THSD4: variants seen among roughly 807,000 people sequenced by gnomAD.
THSD4 encodes the protein thrombospondin type 1 domain containing 4.
Under a neutral mutation model 119.0 loss-of-function variants are expected in THSD4, and 69 were observed. The ratio of observed to expected loss-of-function variants is 0.58; its 90% CI spans 0.48 to 0.71. The LOEUF (loss-of-function observed/expected upper bound fraction) is 0.71, where lower values mean the gene tolerates loss of function less well. Among genes scored for constraint, THSD4 ranks in the 30% least tolerant of loss-of-function variants. The probability of loss-of-function intolerance (pLI) is 0.00; values close to 1 mark genes in which losing one functional copy is unlikely to be tolerated. For missense variants in THSD4, 1,393 were observed against 1,391.1 expected (o/e 1.00, Z -0.02); for synonymous variants, 524 against 540.4 (o/e 0.97, Z 0.42).
At chr15:71,172,650 G>GGCAAATAGATAATT (rs1479293826) in intron 3 of THSD4, among the ~76,000 whole-genome samples, 1 of 108,414 alleles carries the variant, frequency 9.2e-6, no homozygotes, top group Non-Finnish European at 1.8e-5. Flanking sequence ...AATAGATAAT[G>GGCAAATAGATAATT]GAACAGAATA....
intron 1 of THSD4, among the ~76,000 whole-genome samples, chr15:71,121,763 G>A (rs1410329569): frequency 1.3e-5 from 2 of 152,184 alleles, no homozygotes; most frequent in Middle Eastern, 3.2e-3. Context: ...TGAGGGTAGA[G>A]AATGCAGCTG....
intron 6 of THSD4, among the ~76,000 whole-genome samples, chr15:71,376,157 G>A (rs1451217732): frequency 1.3e-5 from 2 of 152,166 alleles, no homozygotes; most frequent in Non-Finnish European, 2.9e-5. Flanking sequence ...TGTCATGGGT[G>A]CAGGAGGAGG....
intron 7 of THSD4, among the ~76,000 whole-genome samples, chr15:71,548,494 A>G (rs1470603473): frequency 6.6e-6 from 1 of 152,208 alleles, no homozygotes. Context: ...CACGGCTGCA[A>G]GGCTAGCTGT....
In THSD4 at chr15:71,314,331, G is replaced by A. The variant is rs187445801; in HGVS notation, c.1015+57616G>A. Among the ~76,000 whole-genome samples the A allele has an allele frequency of 2.7e-3, 404 of 151,644 alleles. 1 individual carries two copies. Among genetic ancestry groups the A allele is most frequent in the East Asian group, 0.01 (53 of 5,178 alleles). The stretch of plus-strand genomic sequence containing the variant: ...ATTCTTTTTTTTAATTATTGGCGGC[G>A]GAGTCTCACTCTGTCACCCAGGCTG... On this transcript the variant is annotated intron_variant, in intron 6 of 17. Coordinates refer to ENST00000261862, the MANE Select transcript of THSD4 (RefSeq NM_024817.3).
At chr15:71,592,693 A>G (rs72739299) in intron 7 of THSD4, among the ~76,000 whole-genome samples, 1 of 152,062 alleles carries the variant, frequency 6.6e-6, no homozygotes, top group Non-Finnish European at 1.5e-5. Context: ...AAACACGTTC[A>G]TAGTTCAGCT....
At chr15:71,730,409 G>A (rs2052954197) in intron 9 of THSD4, 1 of 152,182 alleles carries the variant, frequency 6.6e-6, no homozygotes, top group Non-Finnish European at 1.5e-5. Context: ...AATCCAATAG[G>A]GAGGGACGTA....
At chr15:71,242,057 G>T (rs534288384) in intron 4 of THSD4, among the ~76,000 whole-genome samples, 2 of 152,082 alleles carry the variant, frequency 1.3e-5, no homozygotes, top group African/African-American at 4.8e-5. Flanking sequence ...AGTATTTAAC[G>T]CCCTTGAATA....
At chr15:71,483,157 G>A (rs1479930338) in intron 7 of THSD4, among the ~76,000 whole-genome samples, 1 of 152,030 alleles carries the variant, frequency 6.6e-6, no homozygotes, top group Non-Finnish European at 1.5e-5. Flanking sequence ...CACCATCCAG[G>A]GACATAGAGA....
chr15:71,432,665 A>G (rs1012437209), intron 7 of THSD4, among the ~76,000 whole-genome samples: 3 of 152,048 alleles, frequency 2.0e-5, no homozygotes, highest in African/African-American at 7.2e-5. Flanking sequence ...ATGAAATCTT[A>G]TAAATAAACC....
intron 8 of THSD4, among the ~76,000 whole-genome samples, chr15:71,671,656 T>C (rs2051531405): frequency 6.6e-6 from 1 of 152,238 alleles, no homozygotes; most frequent in Non-Finnish European, 1.5e-5. Context: ...GAATTAATTT[T>C]TGTATAAGGT....
At position 71,771,223 on chromosome 15, in the gene THSD4, C is replaced by T. The variant is rs746584741; in HGVS notation, c.2914+15C>T. On this transcript the variant is annotated intron_variant, in intron 17 of 17. Coordinates refer to ENST00000261862, the MANE Select transcript of THSD4 (RefSeq NM_024817.3). Reference sequence around the variant, plus strand: ...CCCTGAAGTTGGTAAGTAGAGATTTCAATCATGGGGGAAAGGTTTGTGTTT... The same window carrying T: ...CCCTGAAGTTGGTAAGTAGAGATTTTAATCATGGGGGAAAGGTTTGTGTTT... 1.2e-6 allele frequency: 2 copies of T among 1,612,202 alleles called. No individual in the cohort carries two copies. Among genetic ancestry groups the T allele is most frequent in the East Asian group, 2.2e-5 (1 of 44,864 alleles).
chr15:71,671,601 G>A (rs1043334336), intron 8 of THSD4, among the ~76,000 whole-genome samples: 3 of 152,168 alleles, frequency 2.0e-5, no homozygotes, highest in Non-Finnish European at 4.4e-5. Context: ...TTCTTCTAGG[G>A]TTTTTATGGT....
intron 7 of THSD4, among the ~76,000 whole-genome samples, chr15:71,658,220 A>T (rs530371502): frequency 6.6e-6 from 1 of 152,190 alleles, no homozygotes; most frequent in African/African-American, 2.4e-5. Flanking sequence ...TAATTCTTCA[A>T]TCTGGCAAAC....
intron 8 of THSD4, among the ~76,000 whole-genome samples, chr15:71,690,859 A>G (rs1016655377): frequency 6.6e-6 from 1 of 152,206 alleles, no homozygotes; most frequent in Non-Finnish European, 1.5e-5. Flanking sequence ...ATTACCTCCC[A>G]CAAGGTCCCT....
chr15:71,403,997 G>A (rs1247074759), intron 6 of THSD4, among the ~76,000 whole-genome samples: 1 of 152,068 alleles, frequency 6.6e-6, no homozygotes, highest in Non-Finnish European at 1.5e-5. Context: ...GCACTTGATA[G>A]ACTCCTGCAA....
chr15:71,191,067 G>T (rs2043667983), intron 3 of THSD4, among the ~76,000 whole-genome samples: 1 of 152,064 alleles, frequency 6.6e-6, no homozygotes, highest in South Asian at 2.1e-4. Context: ...CTCTGTTCCT[G>T]GGAACGTAAT....
At chr15:71,750,102 G>A (rs1317003598) in intron 14 of THSD4, among the ~76,000 whole-genome samples, 2 of 152,080 alleles carry the variant, frequency 1.3e-5, no homozygotes, top group Admixed American at 6.6e-5. Flanking sequence ...GAATAACAAG[G>A]CCATAAAAAA....
At chr15:71,670,237 C>G (rs2051496152) in intron 8 of THSD4, among the ~76,000 whole-genome samples, 1 of 151,648 alleles carries the variant, frequency 6.6e-6, no homozygotes, top group Non-Finnish European at 1.5e-5. Flanking sequence ...CCCTATCCCC[C>G]ACCCCATGAC....
intron 7 of THSD4, among the ~76,000 whole-genome samples, chr15:71,603,113 A>G (rs1371049469): frequency 6.6e-6 from 1 of 152,224 alleles, no homozygotes; most frequent in African/African-American, 2.4e-5. Context: ...CATTTTTGCT[A>G]CAAATGCAAT....
Sources: allele counts gnomAD v4.1 joint callset (sites outside exome capture counted in the v4.1 genomes callset), GRCh38; gene constraint gnomAD v4.1.1; transcripts MANE v1.5; gene names NCBI Gene and HGNC (gene_info 2026-07-23, HGNC 2026-07-21).